Variants in CTNNA3 observed in about 807,000 individuals in gnomAD.
The protein encoded by CTNNA3 is catenin alpha 3, also known as catenin alpha-3.
Under a neutral mutation model 95.7 loss-of-function variants are expected in CTNNA3, and 76 were observed. The observed-to-expected ratio is 0.79, with a 90% CI of 0.66 to 0.96. The LOEUF (loss-of-function observed/expected upper bound fraction) is 0.96, where lower values mean the gene tolerates loss of function less well. Among genes scored for constraint, CTNNA3 ranks in the 40% least tolerant of loss-of-function variants. CTNNA3 has a pLI of 0.00. For synonymous variants in CTNNA3, 431 were observed against 374.4 expected, an observed-to-expected ratio of 1.15 and a Z score of -1.74; for missense variants, 1,191 against 1,089.8, an observed-to-expected ratio of 1.09 and a Z score of -1.31.
chr10:66,221,393 G>A (rs555387420), intron 13 of CTNNA3, among the ~76,000 whole-genome samples: 1 of 152,294 alleles, frequency 6.6e-6, no homozygotes, highest in East Asian at 1.9e-4. Flanking sequence ...GGTCATGTTA[G>A]CAGAAGCCAG....
Position 67,677,255 on chromosome 10 carries a change from G to T in CTNNA3, c.-6+18745C>A, listed in dbSNP as rs183674643. Among the ~76,000 whole-genome samples the T allele has an allele frequency of 6.0e-4, 91 of 152,114 alleles. 2 individuals are homozygous for T. The highest frequency in any genetic ancestry group is 2.1e-3 in the African/African-American group (86 of 41,504). ...GGAGGAAAATTTTCCCTTACCTTAA[G>T]GTTCACAGATAAAATACAAAATGCC... On this transcript the variant is annotated intron_variant, in intron 1 of 17. Transcript: ENST00000433211.
intron 15 of CTNNA3, among the ~76,000 whole-genome samples, chr10:66,015,240 GA>G (rs1589251219): frequency 6.6e-6 from 1 of 152,012 alleles, no homozygotes; most frequent in African/African-American, 2.4e-5. Context: ...ATTCTATCAG[GA>G]GAATATTAAC....
chr10:66,649,299 A>G (rs934440870), intron 9 of CTNNA3, among the ~76,000 whole-genome samples: 2 of 152,286 alleles, frequency 1.3e-5, no homozygotes, highest in Non-Finnish European at 1.5e-5. Context: ...TTATCCCCAC[A>G]GAGAAACATT....
Position 66,519,772 on chromosome 10 carries a change from C to T in CTNNA3, c.1531+845G>A, listed in dbSNP as rs115156058. On this transcript the variant is annotated intron_variant, in intron 11 of 17. Coordinates refer to ENST00000433211, the MANE Select transcript of CTNNA3 (RefSeq NM_013266.4). Reference sequence around the variant, plus strand: ...CTAAAATGTATAAAACTAAGCTGTGCTCTGATCACCTTGGGCACATGTCAT... The same window carrying T: ...CTAAAATGTATAAAACTAAGCTGTGTTCTGATCACCTTGGGCACATGTCAT... 1.0e-2 allele frequency among the ~76,000 whole-genome samples: 1,516 copies of T among 152,236 alleles called. 26 individuals are homozygous for T. The highest frequency in any genetic ancestry group is 0.035 in the African/African-American group (1,440 of 41,556).
chr10:66,968,827 G>A (rs969100623), intron 7 of CTNNA3, among the ~76,000 whole-genome samples: 1 of 152,002 alleles, frequency 6.6e-6, no homozygotes, highest in African/African-American at 2.4e-5. Context: ...GACGAGCCTG[G>A]CCAACATGGT....
intron 10 of CTNNA3, among the ~76,000 whole-genome samples, chr10:66,574,716 TTACTTTGAGC>T (rs1842958355): frequency 6.6e-6 from 1 of 152,138 alleles, no homozygotes. Context: ...TTTTCCATGA[TTACTTTGAGC>T]TTCCTGTAAG....
chr10:66,922,928 C>A (rs1478069937), intron 7 of CTNNA3, among the ~76,000 whole-genome samples: 5 of 152,016 alleles, frequency 3.3e-5, no homozygotes, highest in Non-Finnish European at 7.4e-5. Context: ...GGTATCCATG[C>A]CCTTAAGCAT....
intron 13 of CTNNA3, among the ~76,000 whole-genome samples, chr10:66,139,457 G>C (rs1207878551): frequency 2.0e-5 from 3 of 151,898 alleles, no homozygotes; most frequent in African/African-American, 7.3e-5. Context: ...GCCCTTCTTT[G>C]ACTACAATAC....
At chr10:65,948,278 C>A in intron 17 of CTNNA3, among the ~76,000 whole-genome samples, 1 of 94,084 alleles carries the variant, frequency 1.1e-5, no homozygotes, top group African/African-American at 4.9e-5. Flanking sequence ...GAGACTCCAT[C>A]TCAAAAAAAA....
At chr10:67,188,011 G>A (rs562693643) in intron 6 of CTNNA3, among the ~76,000 whole-genome samples, 1 of 152,290 alleles carries the variant, frequency 6.6e-6, no homozygotes, top group African/African-American at 2.4e-5. Flanking sequence ...CTAGGAATTG[G>A]TAATAGAATG....
At chr10:67,515,076 A>T (rs920385214) in intron 5 of CTNNA3, among the ~76,000 whole-genome samples, 5 of 152,144 alleles carry the variant, frequency 3.3e-5, no homozygotes, top group African/African-American at 1.2e-4. Flanking sequence ...ATGACCATTA[A>T]CTATCCAATG....
intron 13 of CTNNA3, among the ~76,000 whole-genome samples, chr10:66,178,531 G>A: frequency 6.8e-6 from 1 of 147,094 alleles, no homozygotes. Flanking sequence ...CTTGACAGCA[G>A]AAATATATAC....
At chr10:66,012,685 G>C (rs182813668) in intron 15 of CTNNA3, among the ~76,000 whole-genome samples, 2 of 152,096 alleles carry the variant, frequency 1.3e-5, no homozygotes, top group Non-Finnish European at 1.5e-5. Flanking sequence ...AATTAGTCTG[G>C]GGTCTCTCAA....
intron 9 of CTNNA3, among the ~76,000 whole-genome samples, chr10:66,702,448 C>T (rs565481635): frequency 6.6e-6 from 1 of 151,924 alleles, no homozygotes; most frequent in Admixed American, 6.6e-5. Context: ...TCTTAGAAGT[C>T]TCCCTTTGGG....
intron 10 of CTNNA3, among the ~76,000 whole-genome samples, chr10:66,561,734 A>T (rs978601068): frequency 6.6e-6 from 1 of 152,098 alleles, no homozygotes; most frequent in Non-Finnish European, 1.5e-5. Context: ...GCAGGGCTTT[A>T]AAAACTTTAC....
intron 7 of CTNNA3, among the ~76,000 whole-genome samples, chr10:66,968,288 A>G (rs1049482340): frequency 1.3e-5 from 2 of 151,364 alleles, no homozygotes; most frequent in African/African-American, 4.8e-5. Context: ...GTTTGATTCT[A>G]CAGTATGGCA....
At chr10:66,496,321 C>CAAAAT (rs59220570) in intron 11 of CTNNA3, among the ~76,000 whole-genome samples, 12,471 of 151,832 alleles carry the variant, frequency 0.082, 1,191 homozygotes, top group East Asian at 0.32. Flanking sequence ...ATTGGGTACA[C>CAAAAT]AAAATAATGT....
chr10:67,353,502 T>C (rs372654235), intron 5 of CTNNA3, among the ~76,000 whole-genome samples: 8 of 149,782 alleles, frequency 5.3e-5, no homozygotes, highest in African/African-American at 2.0e-4. Context: ...TAAAGATTGC[T>C]AGTAATTCAA....
chr10:66,665,677 A>G (rs1050297645), intron 9 of CTNNA3, among the ~76,000 whole-genome samples: 2 of 152,170 alleles, frequency 1.3e-5, no homozygotes, highest in Non-Finnish European at 2.9e-5. Flanking sequence ...TTGAGGATTT[A>G]AAGGCCTGAT....
Sources: allele counts gnomAD v4.1 joint callset (sites outside exome capture counted in the v4.1 genomes callset), GRCh38; gene constraint gnomAD v4.1.1; transcripts MANE v1.5; gene names NCBI Gene and HGNC (gene_info 2026-07-23, HGNC 2026-07-21).